CCDC60: variants seen among roughly 807,000 people sequenced by gnomAD.
CCDC60 encodes the protein coiled-coil domain-containing protein 60.
CCDC60 carries 54 observed loss-of-function variants against 63.5 expected under a neutral mutation model. The ratio of observed to expected loss-of-function variants is 0.85; its 90% confidence interval spans 0.68 to 1.07. The LOEUF is 1.07. Ranked by LOEUF, CCDC60 falls within the 50% of genes least tolerant of loss-of-function variation. The pLI, the probability that CCDC60 is intolerant of heterozygous loss-of-function variation, is 0.00. For missense variants in CCDC60, 651 were observed against 684.3 expected (o/e 0.95, Z 0.54); for synonymous variants, 206 against 238.8 (o/e 0.86, Z 1.27).
intron 3 of CCDC60, among the ~76,000 whole-genome samples, chr12:119,474,082 GA>G (rs914628252): frequency 6.6e-6 from 1 of 151,992 alleles, no homozygotes; most frequent in African/African-American, 2.4e-5. Flanking sequence ...TTACATTCCC[GA>G]AAAAAAGTGC....
At position 119,480,758 on chromosome 12, in the gene CCDC60, TCATCATCATCAC is replaced by T. The variant is rs1167668729; in HGVS notation, c.449+1584_449+1595del. Among the ~76,000 whole-genome samples the T allele has an allele frequency of 5.1e-3, 729 of 143,742 alleles. 7 individuals are homozygous for T. Among genetic ancestry groups the T allele is most frequent in the African/African-American group, 0.016 (606 of 38,426 alleles). 94.3% of individuals were successfully genotyped at this position (143,742 alleles called of 152,430 possible). On this transcript the variant is annotated intron_variant, in intron 4 of 13. Coordinates refer to ENST00000327554, the MANE Select transcript of CCDC60 (RefSeq NM_178499.5). ...ATCATCATCACCATCATCCTCACCATCATCATCATCACCATCATCATCACCATCATCATCACC... is the reference window on the plus strand; with the variant it reads ...ATCATCATCACCATCATCCTCACCATCATCATCATCACCATCATCATCACC...
chr12:119,366,565 C>T (rs1463749516), intron 1 of CCDC60, among the ~76,000 whole-genome samples: 1 of 152,184 alleles, frequency 6.6e-6, no homozygotes, highest in Non-Finnish European at 1.5e-5. Flanking sequence ...CACTTTGACA[C>T]ACACACAGAA....
intron 1 of CCDC60, among the ~76,000 whole-genome samples, chr12:119,404,721 T>G (rs1217542088): frequency 6.6e-6 from 1 of 152,144 alleles, no homozygotes; most frequent in Non-Finnish European, 1.5e-5. Context: ...AGGGCACTCT[T>G]GAATCTCAGC....
chr12:119,436,631 C>T (rs1029169150), intron 2 of CCDC60, among the ~76,000 whole-genome samples: 4 of 151,816 alleles, frequency 2.6e-5, no homozygotes, highest in South Asian at 2.1e-4. Flanking sequence ...CTCCGCCTCC[C>T]GGGTTCAAGC....
At chr12:119,480,941 CCACCATCAT>C (rs1266310561) in intron 4 of CCDC60, among the ~76,000 whole-genome samples, 10 of 138,736 alleles carry the variant, frequency 7.2e-5, no homozygotes, top group African/African-American at 1.6e-4. Flanking sequence ...ATCATCATCA[CCACCATCAT>C]CACCATCATC....
rs372553410 is a variant in CCDC60 at position 119,531,048 on chromosome 12, C to G, written c.1536C>G (p.Ile512Met). 152 of 1,613,722 alleles carry G rather than the reference C, an allele frequency of 9.4e-5. 2 individuals are homozygous for G. The South Asian group carries it at 1.6e-3, about 17-fold the overall frequency. ...TTTGGGAACTGTGCTCCCCTGACAT[C>G]GCTGTGGCTATTGAGGTAAACACCA... ...LRIWELCSPD[I>M]AVAIEFVREH... Residue 512 changes from isoleucine (I) to methionine (M), a missense_variant, in exon 13 of 14, where the codon ATC becomes ATG. Transcript: ENST00000327554.
intron 4 of CCDC60, among the ~76,000 whole-genome samples, chr12:119,488,246 T>C (rs901311316): frequency 2.6e-5 from 4 of 152,220 alleles, no homozygotes; most frequent in African/African-American, 7.2e-5. Context: ...CCATTTTTAA[T>C]CTGGGGGGAG....
chr12:119,485,984 C>T (rs1951431685), intron 4 of CCDC60, among the ~76,000 whole-genome samples: 1 of 152,172 alleles, frequency 6.6e-6, no homozygotes, highest in Admixed American at 6.5e-5. Flanking sequence ...TCCCTCCCCA[C>T]CCCACATATC....
At chr12:119,409,601 A>G (rs1181886478) in intron 1 of CCDC60, among the ~76,000 whole-genome samples, 1 of 152,178 alleles carries the variant, frequency 6.6e-6, no homozygotes, top group Non-Finnish European at 1.5e-5. Flanking sequence ...CAAAAAGATA[A>G]ATGATTTGAG....
At chr12:119,438,028 G>T (rs1447291322) in intron 2 of CCDC60, among the ~76,000 whole-genome samples, 2 of 152,132 alleles carry the variant, frequency 1.3e-5, no homozygotes, top group Non-Finnish European at 2.9e-5. Context: ...ACACCCCATG[G>T]GTAGGTTGCT....
chr12:119,439,755 A>T (rs1017557522), intron 2 of CCDC60, among the ~76,000 whole-genome samples: 4 of 152,208 alleles, frequency 2.6e-5, no homozygotes, highest in Non-Finnish European at 5.9e-5. Context: ...CTCTTAGTGC[A>T]CAGTGATATT....
chr12:119,501,605 C>A (rs1951854308), intron 6 of CCDC60, among the ~76,000 whole-genome samples: 2 of 152,134 alleles, frequency 1.3e-5, no homozygotes, highest in Non-Finnish European at 2.9e-5. Context: ...CATCAGGGTG[C>A]TCCTAGATTT....
Position 119,523,801 on chromosome 12 carries a change from G to A in CCDC60, c.1212G>A (p.Lys404=). The A allele has an allele frequency of 6.2e-7, 1 of 1,614,130 alleles. No individual in the cohort carries two copies. The highest frequency in any genetic ancestry group is 8.5e-7 in the Non-Finnish European group (1 of 1,179,996). ...AGGCTGGCTTCTGCCTGCAGGACAA[G>A]ATGGAAATCCTCATGAAGTAAGCGC... ...AQEAGFCLQD[K]MEILMKRQEE... The change falls in exon 11 of 14, where the codon AAG becomes AAA. Residue 404 remains lysine, a synonymous_variant. Transcript: ENST00000327554.
intron 2 of CCDC60, among the ~76,000 whole-genome samples, chr12:119,463,455 G>T (rs571978562): frequency 1.2e-4 from 19 of 152,350 alleles, no homozygotes; most frequent in Admixed American, 7.8e-4. Flanking sequence ...CTTCTTTCCA[G>T]CTCTGTGACC....
intron 1 of CCDC60, among the ~76,000 whole-genome samples, chr12:119,354,269 T>C (rs1261350465): frequency 6.6e-6 from 1 of 152,200 alleles, no homozygotes; most frequent in South Asian, 2.1e-4. Flanking sequence ...CATTTGGACA[T>C]CAAGGAAAGC....
At position 119,472,022 on chromosome 12, in the gene CCDC60, C is replaced by G. The variant is rs140912702; in HGVS notation, c.199C>G (p.Arg67Gly). 6.2e-7 allele frequency: 1 copy of G among 1,613,656 alleles called. No individual in the cohort carries two copies. Among genetic ancestry groups the G allele is most frequent in the Non-Finnish European group, 8.5e-7 (1 of 1,179,950 alleles). Reference protein sequence around the residue: ...RFLIQSVKIGRGYFAILREET... With the variant: ...RFLIQSVKIGGGYFAILREET... ...TTTGATCCAGTCTGTGAAGATAGGC[C>G]GTGGATATTTTGCTATTCTGAGGGA... Residue 67 changes from arginine to glycine, a missense_variant, in exon 3 of 14, where the codon CGT (arginine) becomes GGT (glycine). Arg to Gly is a moderately radical substitution (Grantham distance 125). Coordinates refer to ENST00000327554, the MANE Select transcript of CCDC60 (RefSeq NM_178499.5).
intron 1 of CCDC60, among the ~76,000 whole-genome samples, chr12:119,350,363 A>C (rs917760522): frequency 6.6e-6 from 1 of 151,854 alleles, no homozygotes; most frequent in Non-Finnish European, 1.5e-5. Flanking sequence ...ACACCCAGCT[A>C]ATTTTTTTGT....
chr12:119,387,787 T>C (rs1956086338), intron 1 of CCDC60, among the ~76,000 whole-genome samples: 1 of 152,226 alleles, frequency 6.6e-6, no homozygotes, highest in Admixed American at 6.5e-5. Context: ...AATTCCATAG[T>C]GTTACTGAAT....
chr12:119,373,667 TGGGG>T (rs57046909), intron 1 of CCDC60, among the ~76,000 whole-genome samples: 5 of 54,086 alleles, frequency 9.2e-5, no homozygotes, highest in Non-Finnish European at 1.4e-4. Flanking sequence ...CGGGGTGGGG[TGGGG>T]GGGGGTCTCA....
Sources: allele counts gnomAD v4.1 joint callset (sites outside exome capture counted in the v4.1 genomes callset), GRCh38; gene constraint gnomAD v4.1.1; transcripts MANE v1.5; gene names NCBI Gene and HGNC (gene_info 2026-07-23, HGNC 2026-07-21).